Variants in RBPJ observed in about 807,000 individuals in gnomAD.
RBPJ encodes the protein recombining binding protein suppressor of hairless.
RBPJ carries 9 observed loss-of-function variants against 67.8 expected under a neutral mutation model. The ratio of observed to expected loss-of-function variants is 0.13; its 90% CI spans 0.08 to 0.23. The LOEUF (loss-of-function observed/expected upper bound fraction) is 0.23, where lower values mean the gene tolerates loss of function less well. Among genes scored for constraint, RBPJ ranks in the 10% least tolerant of loss-of-function variants. RBPJ has a pLI of 1.00. For synonymous variants in RBPJ, 198 were observed against 203.3 expected (o/e 0.97, Z 0.22); for missense variants, 305 against 595.6 (o/e 0.51, Z 5.08).
At chr4:26,354,982 T>C (rs1279923606) in intron 1 of RBPJ, among the ~76,000 whole-genome samples, 1 of 152,210 alleles carries the variant, frequency 6.6e-6, no homozygotes, top group Non-Finnish European at 1.5e-5. Flanking sequence ...AAAGCTCTCA[T>C]TTAATGAAAT....
At position 26,214,890 on chromosome 4, in the gene RBPJ, AAAAAAGAG is replaced by A. The variant is rs1223740485; in HGVS notation, c.-167+51284_-167+51291del. On this transcript the variant is annotated intron_variant, in intron 1 of 4. Coordinates refer to the RBPJ transcript ENST00000512351. ...GAAAATGAAAAAGAAAAAGAGAGAG[AAAAAAGAG>A]AAAAAGAAAGAAAAAAGAGAAAAAA... 8.6e-4 allele frequency among the ~76,000 whole-genome samples: 24 copies of A among 27,852 alleles called. 1 individual carries two copies. Among genetic ancestry groups the A allele is most frequent in the Non-Finnish European group, 1.4e-3 (18 of 13,222 alleles). The allele number at this position is 27,852 out of a possible 152,430, so 18.3% of individuals were successfully genotyped here.
intron 2 of RBPJ, among the ~76,000 whole-genome samples, chr4:26,403,950 G>A (rs989166147): frequency 2.0e-5 from 3 of 152,054 alleles, no homozygotes; most frequent in African/African-American, 4.8e-5. Flanking sequence ...AGCTCTTTGA[G>A]GAATCGCCAT....
At chr4:26,309,265 C>T (rs970895367) in intron 1 of RBPJ, among the ~76,000 whole-genome samples, 4 of 152,172 alleles carry the variant, frequency 2.6e-5, no homozygotes, top group Admixed American at 6.5e-5. Context: ...GATACTCCTG[C>T]CTTGGCCTCC....
At chr4:26,109,263 T>A in the RBPJ span, among the ~76,000 whole-genome samples, 8,773 of 150,862 alleles carry the variant, frequency 0.058, 845 homozygotes, top group African/African-American at 0.2. Flanking sequence ...ATGGCCACCA[T>A]GTCAGCTAAT....
intron 1 of RBPJ, among the ~76,000 whole-genome samples, chr4:26,197,891 C>T (rs533155358): frequency 6.6e-6 from 1 of 152,232 alleles, no homozygotes; most frequent in Non-Finnish European, 1.5e-5. Context: ...ATTAAGTGCC[C>T]ATTTTCAGAC....
At chr4:26,161,142 T>C (rs1267784275), upstream of RBPJ, among the ~76,000 whole-genome samples, 4 of 152,208 alleles carry the variant, frequency 2.6e-5, no homozygotes, top group African/African-American at 9.6e-5. Context: ...TCAAGAGGCC[T>C]TATACACATT....
chr4:26,403,479 C>T (rs1259379575), intron 2 of RBPJ, among the ~76,000 whole-genome samples: 1 of 152,072 alleles, frequency 6.6e-6, no homozygotes, highest in Non-Finnish European at 1.5e-5. Context: ...TATTTCATCA[C>T]CCAGGTATTA....
At chr4:26,419,361 T>C (rs1734899476) in intron 4 of RBPJ, among the ~76,000 whole-genome samples, 1 of 152,254 alleles carries the variant, frequency 6.6e-6, no homozygotes, top group Non-Finnish European at 1.5e-5. Flanking sequence ...ACCAAACTTT[T>C]GATTTTTAAA....
At chr4:26,111,277 C>G in the RBPJ span, among the ~76,000 whole-genome samples, 23 of 152,272 alleles carry the variant, frequency 1.5e-4, no homozygotes, top group African/African-American at 4.8e-4. Flanking sequence ...CTAGGAGACT[C>G]TTACACATCT....
intron 3 of RBPJ, chr4:26,409,892 TAAA>T (rs1380196884): frequency 6.0e-6 from 2 of 331,988 alleles, no homozygotes; most frequent in Non-Finnish European, 1.2e-5. Context: ...TGAAGTCCTC[TAAA>T]AAATGAACAA....
At chr4:26,245,924 T>TA (rs1325959380) in intron 1 of RBPJ, among the ~76,000 whole-genome samples, 4 of 152,232 alleles carry the variant, frequency 2.6e-5, no homozygotes, top group Non-Finnish European at 4.4e-5. Flanking sequence ...TCACTCTATA[T>TA]GTCTGTCTTA....
chr4:26,303,922 A>C (rs1389185121), intron 1 of RBPJ, among the ~76,000 whole-genome samples: 1 of 152,204 alleles, frequency 6.6e-6, no homozygotes, highest in African/African-American at 2.4e-5. Flanking sequence ...CTAAAGTGCA[A>C]ATTCAGTGGT....
intron 1 of RBPJ, among the ~76,000 whole-genome samples, chr4:26,215,175 G>GAGGA (rs747711039): frequency 0.012 from 1,241 of 105,074 alleles, 221 homozygotes; most frequent in African/African-American, 0.04. Flanking sequence ...GATAGGGAAG[G>GAGGA]AGGAAGGAAG....
At chr4:26,114,497 A>ATATATATATATATATATATGTGTGTG in the RBPJ span, among the ~76,000 whole-genome samples, 2 of 140,038 alleles carry the variant, frequency 1.4e-5, 1 homozygote, top group African/African-American at 5.5e-5. Flanking sequence ...ATATATATAT[A>ATATATATATATATATATATGTGTGTG]TGTATGTGTG....
upstream of RBPJ, among the ~76,000 whole-genome samples, chr4:26,160,482 C>T (rs1716055216): frequency 6.6e-6 from 1 of 152,172 alleles, no homozygotes; most frequent in Non-Finnish European, 1.5e-5. Flanking sequence ...TATGCAATGT[C>T]CCCTAGAGCT....
chr4:26,144,218 T>TC, the RBPJ span, among the ~76,000 whole-genome samples: 3 of 52,518 alleles, frequency 5.7e-5, no homozygotes. Context: ...TTTATTTGTT[T>TC]CAATTTTTTT....
intron 1 of RBPJ, among the ~76,000 whole-genome samples, chr4:26,197,553 C>T (rs891584826): frequency 6.6e-6 from 1 of 152,174 alleles, no homozygotes; most frequent in Non-Finnish European, 1.5e-5. Flanking sequence ...CGTTTGATCT[C>T]GGCACTGATG....
At chr4:26,414,711 T>C (rs1734388914) in intron 3 of RBPJ, among the ~76,000 whole-genome samples, 1 of 152,228 alleles carries the variant, frequency 6.6e-6, no homozygotes, top group Admixed American at 6.5e-5. Context: ...TATTTTTAAT[T>C]GCTAAATAAA....
chr4:26,200,884 A>G (rs1577465637), intron 1 of RBPJ, among the ~76,000 whole-genome samples: 1 of 152,134 alleles, frequency 6.6e-6, no homozygotes, highest in East Asian at 1.9e-4. Flanking sequence ...ATCAAGCTGT[A>G]AATTACTTGT....
Sources: gnomAD v4.1 joint callset for allele counts (sites outside exome capture counted in the v4.1 genomes callset) on GRCh38, gnomAD v4.1.1 for gene constraint, MANE v1.5 for transcripts, NCBI Gene and HGNC (gene_info 2026-07-23, HGNC 2026-07-21) for gene names.